Variants in ZNF311 observed in about 807,000 individuals in gnomAD.
ZNF311 encodes the protein zinc finger protein zfp31.
In ZNF311, 14 loss-of-function variants were observed where a neutral mutation model predicts 22.7. That is an observed-to-expected ratio of 0.62 (90% CI 0.41 to 0.96). The LOEUF (loss-of-function observed/expected upper bound fraction) is 0.96. Among genes scored for constraint, ZNF311 ranks in the 40% least tolerant of loss-of-function variants. The pLI, the probability that ZNF311 is intolerant of heterozygous loss-of-function variation, is 0.00. For missense variants in ZNF311, 731 were observed against 799.0 expected, an observed-to-expected ratio of 0.91 and a Z score of 1.03; for synonymous variants, 250 against 275.3, an observed-to-expected ratio of 0.91 and a Z score of 0.91.
Position 28,995,766 on chromosome 6 carries a change from T to C in ZNF311, c.1236A>G (p.Glu412=). ...CACACTTGCTGCACTCATAAGGTCG[T>C]TCCCCAGTGTGGATTCTTATGTGTT... ...LTKHIRIHTG[E]RPYECSKCGR... is the part of the protein sequence containing the mutation. Residue 412 remains glutamate (E), a synonymous_variant, in exon 7 of 7, where the codon GAA becomes GAG. Coordinates refer to ENST00000377179, the MANE Select transcript of ZNF311 (RefSeq NM_001382360.1). The surrounding 1 kb of genome is among the most constrained non-coding windows in gnomAD (Gnocchi z 4.7). The C allele has an allele frequency of 1.9e-6, 3 of 1,613,352 alleles. No homozygotes were observed. Among genetic ancestry groups the C allele is most frequent in the Non-Finnish European group, 2.5e-6 (3 of 1,179,858 alleles).
chr6:29,000,156 G>GTTAGA, intron 3 of ZNF311, 109 bp from the exon 4 acceptor site: 13 of 1,001,208 alleles, frequency 1.3e-5, no homozygotes, highest in African/African-American at 1.6e-5. Flanking sequence ...TCTAACCTAG[G>GTTAGA]GCTTTAGGCT....
chr6:29,004,055 A>G lies in ZNF311; in HGVS notation c.-101T>C. The G allele has an allele frequency of 1.2e-6, 2 of 1,611,890 alleles. No individual in the cohort carries two copies. The highest frequency in any genetic ancestry group is 2.2e-5 in the South Asian group (2 of 90,918). ...ACAAGCTGTGAAGTGGCTCCAGTTGATGCCAGCCTCCTTTGGAGAACACAT... is the reference window on the plus strand; with the variant it reads ...ACAAGCTGTGAAGTGGCTCCAGTTGGTGCCAGCCTCCTTTGGAGAACACAT... On this transcript the variant is annotated 5_prime_UTR_variant, in exon 2 of 7. Transcript: ENST00000377179.
At chr6:29,000,777 TC>T (rs1780335981) in intron 3 of ZNF311, among the ~76,000 whole-genome samples, 1 of 140,470 alleles carries the variant, frequency 7.1e-6, no homozygotes, top group Non-Finnish European at 1.5e-5. Context: ...AGAAGTAGTT[TC>T]TTTTTTTTTT....
rs777364267 is a variant in ZNF311 at position 29,005,160 on chromosome 6, C to T, written c.-413G>A. On this transcript the variant is annotated 5_prime_UTR_variant, in exon 1 of 7. Transcript: ENST00000377179. The stretch of plus-strand genomic sequence containing the variant: ...GCTCCATGAGGGCAGGAATTTTTGT[C>T]GTCTTGTTCACAGTTGTATTCTCAA... 6.6e-6 allele frequency: 1 copy of T among 151,982 alleles called. No homozygotes were observed. Among genetic ancestry groups the T allele is most frequent in the Non-Finnish European group, 1.5e-5 (1 of 68,022 alleles). The allele number at this position is 151,982 out of a possible 1,614,324, so 9.4% of individuals were successfully genotyped here.
Position 29,001,226 on chromosome 6 carries a change from T to C in ZNF311, c.92-1179A>G, listed in dbSNP as rs112633685. On this transcript the variant is annotated intron_variant, in intron 3 of 6. Coordinates refer to ENST00000377179, the MANE Select transcript of ZNF311 (RefSeq NM_001382360.1). ...AGTCCAAATCTGAATAATTGCTGTC[T>C]GCTTTTAAGACACCAGCAGGGTCAA... Among the ~76,000 whole-genome samples the C allele has an allele frequency of 2.1e-3, 321 of 152,376 alleles. 1 individual carries two copies. The highest frequency in any genetic ancestry group is 3.7e-3 in the Non-Finnish European group (251 of 68,040).
Position 28,995,053 on chromosome 6 carries a change from G to A in ZNF311, c.1949C>T (p.Ser650Phe). The A allele has an allele frequency of 5.0e-6, 8 of 1,613,276 alleles. No homozygotes were observed. Among genetic ancestry groups the A allele is most frequent in the South Asian group, 1.1e-5 (1 of 91,056 alleles). ...TGAGGTCTGAGAAACAGTCACTGGA[G>A]AGAGGGATTTCCTACTCCCATCAAG... Reference protein sequence around the residue: ...HELDGSRKSLSPVTVSQTSVV... With the variant: ...HELDGSRKSLFPVTVSQTSVV... Residue 650 changes from serine (S) to phenylalanine (F), a missense_variant, in exon 7 of 7, where the codon TCT becomes TTT. Coordinates refer to ENST00000377179, the MANE Select transcript of ZNF311 (RefSeq NM_001382360.1). This position sits in a 1 kb window ranked among gnomAD's most constrained non-coding sequence, Gnocchi z 4.7.
chr6:28,995,224 C>A lies in ZNF311; in HGVS notation c.1778G>T (p.Arg593Leu). The A allele has an allele frequency of 6.2e-7, 1 of 1,614,062 alleles. No individual in the cohort carries two copies. Among genetic ancestry groups the A allele is most frequent in the Non-Finnish European group, 8.5e-7 (1 of 1,180,026 alleles). Residue 593 changes from arginine to leucine, a missense_variant, in exon 7 of 7, where the codon CGT becomes CTT. Physicochemically the swap from Arg to Leu is moderately radical, Grantham distance 102. Transcript: ENST00000377179. The surrounding 1 kb of genome is among the most constrained non-coding windows in gnomAD (Gnocchi z 4.7). The stretch of plus-strand genomic sequence containing the variant: ...ATGTCCAATCAGAGCTGAGCCCTGA[C>A]GGAAGGACGTGCCACACTCACTGCA... ...YTCSECGTSF[R>L]QGSALIGHKR...
chr6:28,995,714 G>A lies in ZNF311; in HGVS notation c.1288C>T (p.Leu430=). 2 of 1,613,680 alleles carry A rather than the reference G, an allele frequency of 1.2e-6. No individual in the cohort carries two copies. Among genetic ancestry groups the A allele is most frequent in the Non-Finnish European group, 1.7e-6 (2 of 1,180,014 alleles). Residue 430 remains leucine (L), a synonymous_variant, in exon 7 of 7, where the codon CTA becomes TTA. Transcript: ENST00000377179. The surrounding 1 kb of genome is among the most constrained non-coding windows in gnomAD (Gnocchi z 4.7). ...GTATGGATTCGTTTGTGTTTGCTTA[G>A]GTCTGAGCTCCGACTGAAGGCCCTT... The part of the protein sequence containing the change: ...CGRAFSRSSD[L]SKHKRIHTRE...
chr6:28,995,756 C>A lies in ZNF311; in HGVS notation c.1246G>T (p.Glu416Ter). 6.2e-7 allele frequency: 1 copy of A among 1,613,682 alleles called. No individual in the cohort carries two copies. The highest frequency in any genetic ancestry group is 8.5e-7 in the Non-Finnish European group (1 of 1,179,960). The change falls in exon 7 of 7, where the codon GAG (glutamate) becomes TAG (stop). Residue 416 changes from glutamate (E) to a stop codon, truncating the protein, a stop_gained. Transcript: ENST00000377179. LOFTEE classifies it low-confidence loss of function (END_TRUNC). This position sits in a 1 kb window ranked among gnomAD's most constrained non-coding sequence, Gnocchi z 4.7. ...IRIHTGERPYECSKCGRAFSR... is the reference protein window; with the variant it reads ...IRIHTGERPY ...AAGGCCCTTCCACACTTGCTGCACT[C>A]ATAAGGTCGTTCCCCAGTGTGGATT...
rs374381878 is a variant in ZNF311, at chr6:28,996,053, C to A, written c.949G>T (p.Ala317Ser). Residue 317 changes from alanine (A) to serine (S), a missense_variant, in exon 7 of 7, where the codon GCT (alanine) becomes TCT (serine). Ala to Ser is a moderately conservative substitution (Grantham distance 99). Coordinates refer to ENST00000377179, the MANE Select transcript of ZNF311 (RefSeq NM_001382360.1). ...TGGGTTTTTTTATGTCGGCAAAGAGCTGATCTACTGTTGAAAGCCTTCCCA... is the reference window on the plus strand; with the variant it reads ...TGGGTTTTTTTATGTCGGCAAAGAGATGATCTACTGTTGAAAGCCTTCCCA... ...QCGKAFNSRS[A>S]LCRHKKTHSG... 7 of 1,613,202 alleles carry A rather than the reference C, an allele frequency of 4.3e-6. No individual in the cohort carries two copies. The highest frequency in any genetic ancestry group is 5.9e-6 in the Non-Finnish European group (7 of 1,180,028).
chr6:29,001,840 T>C (rs771824321), intron 3 of ZNF311, among the ~76,000 whole-genome samples: 1 of 152,234 alleles, frequency 6.6e-6, no homozygotes, highest in Non-Finnish European at 1.5e-5. Context: ...AAAGCATCAG[T>C]ACACCTCACC....
Position 28,999,625 on chromosome 6 carries a change from T to G in ZNF311, c.184-12A>C. 3 of 1,609,322 alleles carry G rather than the reference T, an allele frequency of 1.9e-6. No individual in the cohort carries two copies. The South Asian group carries it at 3.3e-5, about 18-fold the overall frequency. On this transcript the variant is annotated splice_polypyrimidine_tract_variant and intron_variant, in intron 4 of 6. Transcript: ENST00000377179. ...AATGTCACTGACTCCTGAAATAATA[T>G]GCTCCTGCTATCCTGGAGAAAACGC... is the stretch of plus-strand genomic sequence containing the variant.
At chr6:29,000,756 ATGATTGGG>A (rs1780333002) in intron 3 of ZNF311, among the ~76,000 whole-genome samples, 1 of 151,370 alleles carries the variant, frequency 6.6e-6, no homozygotes, top group South Asian at 2.1e-4. Flanking sequence ...TATAATCCAT[ATGATTGGG>A]TGAGAAGTAG....
At position 28,995,235 on chromosome 6, in the gene ZNF311, G is replaced by A. The variant is rs1779307346; in HGVS notation, c.1767C>T (p.Gly589=). ...GEKPYTCSEC[G]TSFRQGSALI... ...GAGCTGAGCCCTGACGGAAGGACGT[G>A]CCACACTCACTGCAGGTGTATGGCT... is the stretch of plus-strand genomic sequence containing the variant. Residue 589 remains glycine (G), a synonymous_variant, in exon 7 of 7, where the codon GGC becomes GGT. Transcript: ENST00000377179. The surrounding 1 kb of genome is among the most constrained non-coding windows in gnomAD (Gnocchi z 4.7). The A allele has an allele frequency of 9.9e-6, 16 of 1,613,934 alleles. No homozygotes were observed. The highest frequency in any genetic ancestry group is 1.3e-5 in the African/African-American group (1 of 74,932).
chr6:28,996,297 A>C lies in ZNF311; in HGVS notation c.705T>G (p.Ser235Arg). Reference protein sequence around the residue: ...SKNLNPNSKHSQCNKVLIAQK... With the variant: ...SKNLNPNSKHRQCNKVLIAQK... ...GTGCTATAAGAACTTTATTACATTG[A>C]CTATGTTTTGAGTTTGGATTCAAGT... The change falls in exon 7 of 7, where the codon AGT becomes AGG. Residue 235 changes from serine to arginine, a missense_variant. Ser to Arg is a moderately radical substitution (Grantham distance 110). Transcript: ENST00000377179. 1 of 1,612,950 alleles carries C rather than the reference A, an allele frequency of 6.2e-7. No individual in the cohort carries two copies. Among genetic ancestry groups the C allele is most frequent in the Non-Finnish European group, 8.5e-7 (1 of 1,180,016 alleles).
rs1780812307 is a variant in ZNF311, at chr6:29,003,946, C to T, written c.9G>A (p.Glu3=). The part of the protein sequence containing the change: MQ[E]VVLLDESSGP... The stretch of plus-strand genomic sequence containing the variant: ...GTATCACAGACCCTCCTCTTCTTAC[C>T]TCCTGCATCTTTTTACTCAGGTTTC... The change falls in exon 2 of 7, where the codon GAG becomes GAA. Residue 3 remains glutamate (E), a splice_region_variant and synonymous_variant. Coordinates refer to ENST00000377179, the MANE Select transcript of ZNF311 (RefSeq NM_001382360.1). 6.2e-7 allele frequency: 1 copy of T among 1,612,854 alleles called. No individual in the cohort carries two copies. Among genetic ancestry groups the T allele is most frequent in the South Asian group, 1.1e-5 (1 of 91,074 alleles).
At chr6:29,004,341 A>G in intron 1 of ZNF311, 127 bp from the exon 2 acceptor site, 1 of 465,980 alleles carries the variant, frequency 2.1e-6, no homozygotes, top group Non-Finnish European at 3.2e-6. Context: ...AACGGCTACC[A>G]CCCTTGTCTG....
At chr6:29,004,386 T>TTAC (rs1489577422) in intron 1 of ZNF311, among the ~76,000 whole-genome samples, 172 bp from the exon 2 acceptor site, 1 of 152,068 alleles carries the variant, frequency 6.6e-6, no homozygotes, top group Non-Finnish European at 1.5e-5. Flanking sequence ...CTCCTTTCCA[T>TTAC]TACTGCGGTA....
rs767960039 is a variant in ZNF311 at position 28,995,600 on chromosome 6, C to T, written c.1402G>A (p.Glu468Lys). 6.2e-7 allele frequency: 1 copy of T among 1,613,628 alleles called. No individual in the cohort carries two copies. Among genetic ancestry groups the T allele is most frequent in the Non-Finnish European group, 8.5e-7 (1 of 1,180,024 alleles). Residue 468 changes from glutamate to lysine, a missense_variant, in exon 7 of 7, where the codon GAG becomes AAG. Transcript: ENST00000377179. The surrounding 1 kb of genome is among the most constrained non-coding windows in gnomAD (Gnocchi z 4.7). ...LTKHRRIHTE[E>K]KRYRCEECGK... ...CACTCCTCACACCTGTAACGTTTCT[C>T]TTCAGTGTGGATCCTTCTGTGTTTG... is the stretch of plus-strand genomic sequence containing the variant.
Sources: allele counts gnomAD v4.1 joint callset (sites outside exome capture counted in the v4.1 genomes callset), GRCh38; gene constraint gnomAD v4.1.1; non-coding constraint Gnocchi (gnomAD v3.1); transcripts MANE v1.5; gene names NCBI Gene and HGNC (gene_info 2026-07-23, HGNC 2026-07-21).